ST3GAL3: variants seen among roughly 807,000 people sequenced by gnomAD.
ST3GAL3 encodes ST3 beta-galactoside alpha-2,3-sialyltransferase 3.
Under a neutral mutation model 50.1 loss-of-function variants are expected in ST3GAL3, and 21 were observed. The ratio of observed to expected loss-of-function variants is 0.42; its 90% CI spans 0.30 to 0.60. The LOEUF (loss-of-function observed/expected upper bound fraction) is 0.60. Among genes scored for constraint, ST3GAL3 ranks in the 20% least tolerant of loss-of-function variants. ST3GAL3 has a pLI of 0.19. For missense variants in ST3GAL3, 353 were observed against 489.4 expected, an observed-to-expected ratio of 0.72 and a Z score of 2.63; for synonymous variants, 183 against 190.0, an observed-to-expected ratio of 0.96 and a Z score of 0.30.
chr1:43,790,846 C>T (rs1487015696), intron 2 of ST3GAL3, among the ~76,000 whole-genome samples: 1 of 151,866 alleles, frequency 6.6e-6, no homozygotes, highest in Non-Finnish European at 1.5e-5. Flanking sequence ...CCATGTTGAC[C>T]AGGATGGTCT....
At chr1:43,832,694 T>TA (rs1397455935) in intron 4 of ST3GAL3, among the ~76,000 whole-genome samples, 1 of 151,908 alleles carries the variant, frequency 6.6e-6, no homozygotes, top group African/African-American at 2.4e-5. Flanking sequence ...TCTATGGCAG[T>TA]AAAGGCTATT....
At chr1:43,858,188 G>T in intron 5 of ST3GAL3, 4 of 1,289,410 alleles carry the variant, frequency 3.1e-6, no homozygotes, top group Non-Finnish European at 4.0e-6. Context: ...TATGTGCTCC[G>T]CCAGAGGTGA....
At chr1:43,898,931 C>T in intron 7 of ST3GAL3, 1 of 583,414 alleles carries the variant, frequency 1.7e-6, no homozygotes, top group Non-Finnish European at 3.0e-6. Flanking sequence ...CTTTCCATGG[C>T]CCTGTTTTCC....
intron 2 of ST3GAL3, among the ~76,000 whole-genome samples, chr1:43,756,116 A>AAGAAG (rs1553281768): frequency 1.0e-4 from 14 of 136,914 alleles, no homozygotes; most frequent in South Asian, 4.5e-4. Context: ...AAAAAAAAAA[A>AAGAAG]AAGAAGAAGA....
chr1:43,753,546 G>A (rs1011392183), intron 2 of ST3GAL3, among the ~76,000 whole-genome samples: 1 of 152,156 alleles, frequency 6.6e-6, no homozygotes, highest in Non-Finnish European at 1.5e-5. Flanking sequence ...GTTCTGAGAG[G>A]GTATGTGATG....
chr1:43,817,597 C>CCG (rs1448524690), intron 4 of ST3GAL3, among the ~76,000 whole-genome samples: 1 of 77,248 alleles, frequency 1.3e-5, no homozygotes, highest in Non-Finnish European at 2.4e-5. Flanking sequence ...TTCTCCTCCT[C>CCG]CCTTCTCCTT....
intron 5 of ST3GAL3, among the ~76,000 whole-genome samples, chr1:43,868,716 C>A (rs1405234205): frequency 6.6e-6 from 1 of 152,104 alleles, no homozygotes; most frequent in Non-Finnish European, 1.5e-5. Flanking sequence ...CTCCCCCACC[C>A]TCTAGCAAAG....
chr1:43,732,980 CT>C (rs11320852), intron 1 of ST3GAL3, among the ~76,000 whole-genome samples: 94,481 of 143,914 alleles, frequency 0.66, 30,904 homozygotes, highest in East Asian at 0.73. Flanking sequence ...ATAAAAAATA[CT>C]TTTTTTTTTT....
At chr1:43,894,321 G>T (rs768628356) in intron 5 of ST3GAL3, 62 bp from the exon 6 acceptor site, 41 of 1,533,820 alleles carry the variant, frequency 2.7e-5, no homozygotes, top group Non-Finnish European at 3.5e-5. Context: ...ACGTACGGAA[G>T]TGCCACCAGT....
At chr1:43,836,542 C>A (rs1320149977) in intron 4 of ST3GAL3, among the ~76,000 whole-genome samples, 1 of 152,226 alleles carries the variant, frequency 6.6e-6, no homozygotes, top group Non-Finnish European at 1.5e-5. Context: ...CTGGTACCAC[C>A]ACCCCACACC....
intron 4 of ST3GAL3, among the ~76,000 whole-genome samples, chr1:43,818,012 G>T (rs2061630612): frequency 6.6e-6 from 1 of 152,036 alleles, no homozygotes; most frequent in Non-Finnish European, 1.5e-5. Flanking sequence ...TAGGATTACA[G>T]CTGTAAGCCA....
chr1:43,888,957 A>G (rs1379411977), intron 5 of ST3GAL3, among the ~76,000 whole-genome samples: 1 of 152,238 alleles, frequency 6.6e-6, no homozygotes, highest in African/African-American at 2.4e-5. Context: ...TGGCAAATAG[A>G]AAAGACATAT....
chr1:43,748,621 C>A (rs900515771), intron 2 of ST3GAL3, among the ~76,000 whole-genome samples: 1 of 152,064 alleles, frequency 6.6e-6, no homozygotes. Flanking sequence ...CAGGGTTTTA[C>A]ATTGTTGCCT....
chr1:43,814,387 T>A (rs1333091787), intron 3 of ST3GAL3, among the ~76,000 whole-genome samples: 1 of 152,246 alleles, frequency 6.6e-6, no homozygotes, highest in East Asian at 1.9e-4. Context: ...TAAATTTTAT[T>A]GTAAACTTGC....
intron 1 of ST3GAL3, among the ~76,000 whole-genome samples, chr1:43,731,557 ATTTTTTTTT>A (rs147263689): frequency 8.1e-6 from 1 of 123,588 alleles, no homozygotes; most frequent in Non-Finnish European, 1.7e-5. Flanking sequence ...GCTAATTTTA[ATTTTTTTTT>A]TTTTTTTTTT....
intron 2 of ST3GAL3, among the ~76,000 whole-genome samples, chr1:43,776,925 A>C (rs1041536175): frequency 3.9e-5 from 6 of 152,164 alleles, no homozygotes; most frequent in Non-Finnish European, 8.8e-5. Context: ...TGGCTTAACT[A>C]AGTAATCTCT....
intron 1 of ST3GAL3, among the ~76,000 whole-genome samples, chr1:43,731,618 C>T (rs1211544060): frequency 2.8e-5 from 4 of 143,594 alleles, no homozygotes; most frequent in East Asian, 2.0e-4. Context: ...AGGATGGTCT[C>T]GATCTCTTGA....
In ST3GAL3 at chr1:43,730,004, C is replaced by T. The variant is rs112994318; in HGVS notation, c.-30-6229C>T. On this transcript the variant is annotated intron_variant, in intron 1 of 11. Coordinates refer to ENST00000347631, the MANE Select transcript of ST3GAL3 (RefSeq NM_006279.5). Reference sequence around the variant, plus strand: ...AGAATGTGTCAGACTTTTGTCCTAGCGGCGAGTTTGAAATTACATCTCTCA... The same window carrying T: ...AGAATGTGTCAGACTTTTGTCCTAGTGGCGAGTTTGAAATTACATCTCTCA... 1.1e-3 allele frequency among the ~76,000 whole-genome samples: 163 copies of T among 152,276 alleles called. 4 individuals carry two copies. In the Middle Eastern group the frequency reaches 0.014, roughly 13 times the overall value.
intron 1 of ST3GAL3, among the ~76,000 whole-genome samples, chr1:43,717,680 T>C (rs977716591): frequency 1.3e-5 from 2 of 151,732 alleles, no homozygotes; most frequent in African/African-American, 4.8e-5. Flanking sequence ...TTTTCTTTTG[T>C]ATTTTTTTGT....
Sources: allele counts gnomAD v4.1 joint callset (sites outside exome capture counted in the v4.1 genomes callset), GRCh38; gene constraint gnomAD v4.1.1; transcripts MANE v1.5; gene names NCBI Gene and HGNC (gene_info 2026-07-23, HGNC 2026-07-21).